The following BBS9 variants were observed in gnomAD, a reference collection of about 807,000 sequenced individuals.
BBS9 encodes the protein protein PTHB1.
BBS9 carries 89 observed loss-of-function variants against 117.7 expected under a neutral mutation model. The ratio of observed to expected loss-of-function variants is 0.76; its 90% CI spans 0.64 to 0.90. BBS9 has a LOEUF of 0.90. Ranked by LOEUF, BBS9 falls within the 40% of genes least tolerant of loss-of-function variation. The probability of loss-of-function intolerance (pLI) is 0.00; values close to 1 mark genes in which losing one functional copy is unlikely to be tolerated. For synonymous variants in BBS9, 379 were observed against 370.9 expected (o/e 1.02, Z -0.25); for missense variants, 982 against 1,042.2 (o/e 0.94, Z 0.80).
chr7:33,337,945 A>G (rs531542891), intron 10 of BBS9, among the ~76,000 whole-genome samples: 1 of 152,168 alleles, frequency 6.6e-6, no homozygotes, highest in South Asian at 2.1e-4. Flanking sequence ...GATTAACATT[A>G]ATTGAATATG....
chr7:33,391,670 T>A (rs1003268552), intron 19 of BBS9, among the ~76,000 whole-genome samples: 2 of 152,228 alleles, frequency 1.3e-5, no homozygotes, highest in African/African-American at 4.8e-5. Context: ...TTTTATGACT[T>A]GCGTATGTAC....
chr7:33,343,121 A>G (rs1816862357), intron 11 of BBS9, among the ~76,000 whole-genome samples: 1 of 152,188 alleles, frequency 6.6e-6, no homozygotes, highest in Admixed American at 6.5e-5. Context: ...ACATCATAGA[A>G]TCCCCATTGC....
intron 21 of BBS9, among the ~76,000 whole-genome samples, chr7:33,550,835 C>A (rs1270913601): frequency 6.6e-6 from 1 of 151,944 alleles, no homozygotes; most frequent in African/African-American, 2.4e-5. Flanking sequence ...AAAGTAAACA[C>A]CTTTAGTTGT....
At chr7:33,395,644 T>G (rs769610475) in intron 19 of BBS9, among the ~76,000 whole-genome samples, 4 of 152,162 alleles carry the variant, frequency 2.6e-5, no homozygotes, top group Non-Finnish European at 5.9e-5. Context: ...TTAGGCATAA[T>G]TTTAAATAGA....
At chr7:33,134,045 A>C (rs1429141163) in intron 1 of BBS9, among the ~76,000 whole-genome samples, 1 of 151,950 alleles carries the variant, frequency 6.6e-6, no homozygotes, top group East Asian at 1.9e-4. Context: ...CTAATGACTA[A>C]TTATGCTGAG....
chr7:33,632,733 C>T (rs1865953058), intron 21 of BBS9, among the ~76,000 whole-genome samples: 1 of 152,102 alleles, frequency 6.6e-6, no homozygotes, highest in Non-Finnish European at 1.5e-5. Flanking sequence ...CTAGGGGCCT[C>T]CGTGTGTTGG....
At position 33,605,812 on chromosome 7, in the gene BBS9, G is replaced by A. The variant is rs1184577958; in HGVS notation, c.*586G>A. 1 of 154,692 alleles carries A rather than the reference G, an allele frequency of 6.5e-6. No homozygotes were observed. The highest frequency in any genetic ancestry group is 1.4e-5 in the Non-Finnish European group (1 of 69,636). 9.6% of individuals were successfully genotyped at this position (154,692 alleles called of 1,614,324 possible). ...TGTGATTTGTTCTATTAAGCTAAAC[G>A]TGGAAGAAGGGAAGTTTTCTAGTAT... On this transcript the variant is annotated 3_prime_UTR_variant, in exon 23 of 23. Coordinates refer to ENST00000242067, the MANE Select transcript of BBS9 (RefSeq NM_198428.3).
chr7:33,568,909 A>G lies in BBS9; in HGVS notation c.2521+34733A>G, dbSNP rs1453515038. ...GGAAGTGAATGGCAAAGGGGTAGAAAGAAGGGGAGAGAGATGGAAACAAGA... is the reference window on the plus strand; with the variant it reads ...GGAAGTGAATGGCAAAGGGGTAGAAGGAAGGGGAGAGAGATGGAAACAAGA... On this transcript the variant is annotated intron_variant, in intron 21 of 22. Transcript: ENST00000242067. 5.9e-5 allele frequency among the ~76,000 whole-genome samples: 9 copies of G among 152,206 alleles called. No individual in the cohort carries two copies. In the East Asian group the frequency reaches 1.7e-3, roughly 29 times the overall value.
chr7:33,207,081 A>T (rs1787069511), intron 5 of BBS9, among the ~76,000 whole-genome samples: 2 of 152,232 alleles, frequency 1.3e-5, no homozygotes, highest in South Asian at 4.1e-4. Context: ...ATATTATCAC[A>T]TAGAAGCATC....
intron 9 of BBS9, among the ~76,000 whole-genome samples, chr7:33,335,331 G>A (rs1815111022): frequency 6.6e-6 from 1 of 152,078 alleles, no homozygotes; most frequent in South Asian, 2.1e-4. Context: ...TCAAGTAGCT[G>A]GGAGTACAGG....
chr7:33,545,323 C>G (rs1853129974), intron 21 of BBS9, among the ~76,000 whole-genome samples: 1 of 152,166 alleles, frequency 6.6e-6, no homozygotes, highest in African/African-American at 2.4e-5. Context: ...CGCAATGGAT[C>G]CCTGTGGTGC....
Position 33,535,171 on chromosome 7 carries a change from C to T in BBS9, c.2521+995C>T, listed in dbSNP as rs113714327. Among the ~76,000 whole-genome samples the T allele has an allele frequency of 2.5e-3, 383 of 152,276 alleles. 2 individuals carry two copies. Among genetic ancestry groups the T allele is most frequent in the Non-Finnish European group, 3.9e-3 (264 of 68,036 alleles). On this transcript the variant is annotated intron_variant, in intron 21 of 22. Transcript: ENST00000242067. ...ACAGAACAATGCTTGGATCCTGCCT[C>T]TTTTTATCCATTACTACTTATATGA...
chr7:33,433,227 C>A (rs1032837142), intron 19 of BBS9, among the ~76,000 whole-genome samples: 4 of 152,104 alleles, frequency 2.6e-5, no homozygotes, highest in Non-Finnish European at 5.9e-5. Context: ...GCTGGTATCA[C>A]AAGTCTTTCG....
intron 5 of BBS9, among the ~76,000 whole-genome samples, chr7:33,187,819 G>T (rs1190093727): frequency 6.6e-6 from 1 of 152,100 alleles, no homozygotes; most frequent in Non-Finnish European, 1.5e-5. Context: ...TACTTGGGAG[G>T]CTGAGACAGG....
intron 5 of BBS9, among the ~76,000 whole-genome samples, chr7:33,251,660 T>C (rs1189939493): frequency 1.3e-5 from 2 of 152,216 alleles, no homozygotes; most frequent in South Asian, 2.1e-4. Context: ...AAAATAATTA[T>C]AGAAATAATA....
chr7:33,461,133 T>G (rs1261040112), intron 19 of BBS9, among the ~76,000 whole-genome samples: 1 of 152,070 alleles, frequency 6.6e-6, no homozygotes, highest in Non-Finnish European at 1.5e-5. Flanking sequence ...TTCCACTCAT[T>G]TATTGATGGA....
At chr7:33,132,559 CAG>C (rs1789789831) in intron 1 of BBS9, among the ~76,000 whole-genome samples, 2 of 152,150 alleles carry the variant, frequency 1.3e-5, no homozygotes, top group African/African-American at 4.8e-5. Context: ...TTATTCAAGA[CAG>C]TTAACTAAAC....
rs563555407 is a variant in BBS9 at position 33,251,585 on chromosome 7, A to G, written c.443-5651A>G. Among the ~76,000 whole-genome samples, 208 of 152,364 alleles carry G rather than the reference A, an allele frequency of 1.4e-3. 3 individuals are homozygous for G. The highest frequency in any genetic ancestry group is 8.2e-4 in the Non-Finnish European group (56 of 68,036). ...AAACAAAAGCAAGGAAGCATGCATC[A>G]TCATGATGTGTGTGGGAAATAGCAA... On this transcript the variant is annotated intron_variant, in intron 5 of 22. Coordinates refer to ENST00000242067, the MANE Select transcript of BBS9 (RefSeq NM_198428.3).
chr7:33,309,850 C>T (rs1164432409), intron 9 of BBS9, among the ~76,000 whole-genome samples: 2 of 152,084 alleles, frequency 1.3e-5, no homozygotes, highest in Non-Finnish European at 2.9e-5. Flanking sequence ...GCATTGAATT[C>T]TCAGGGAGTT....
Sources: allele counts gnomAD v4.1 joint callset (sites outside exome capture counted in the v4.1 genomes callset), GRCh38; gene constraint gnomAD v4.1.1; transcripts MANE v1.5; gene names NCBI Gene and HGNC (gene_info 2026-07-23, HGNC 2026-07-21).